ATOSA: variants seen among roughly 807,000 people sequenced by gnomAD.
The protein encoded by ATOSA is atos homolog protein A.
At chr15:52,586,166 C>T in the ATOSA span, 1 of 152,230 alleles carries the variant, frequency 6.6e-6, no homozygotes, top group Non-Finnish European at 1.5e-5. Flanking sequence ...AACACTGTCA[C>T]TCCTTTACTT....
At chr15:52,599,267 C>G in the ATOSA span, among the ~76,000 whole-genome samples, 1 of 152,100 alleles carries the variant, frequency 6.6e-6, no homozygotes, top group Non-Finnish European at 1.5e-5. Flanking sequence ...GCCACCCGAC[C>G]CTAACAATGG....
At chr15:52,642,612 A>G in the ATOSA span, among the ~76,000 whole-genome samples, 2 of 152,178 alleles carry the variant, frequency 1.3e-5, no homozygotes, top group African/African-American at 4.8e-5. Flanking sequence ...TTCCAACTGT[A>G]GCTGTTTTGC....
chr15:52,625,545 T>TA, the ATOSA span, among the ~76,000 whole-genome samples: 1 of 152,118 alleles, frequency 6.6e-6, no homozygotes, highest in Non-Finnish European at 1.5e-5. Context: ...CAACTATAAG[T>TA]AAAAAATCTA....
At chr15:52,594,011 C>G in the ATOSA span, among the ~76,000 whole-genome samples, 1 of 152,200 alleles carries the variant, frequency 6.6e-6, no homozygotes, top group African/African-American at 2.4e-5. Flanking sequence ...ACTGAACTCT[C>G]CTGCAACTTC....
chr15:52,601,920 T>C, the ATOSA span, among the ~76,000 whole-genome samples: 313 of 152,344 alleles, frequency 2.1e-3, 4 homozygotes, highest in Non-Finnish European at 2.2e-3. Context: ...AAGTGTACCA[T>C]GTTATTTACT....
the ATOSA span, among the ~76,000 whole-genome samples, chr15:52,683,243 A>C: frequency 1.0e-3 from 155 of 152,312 alleles, no homozygotes; most frequent in Admixed American, 1.6e-3. Context: ...GGTGATAACT[A>C]TTTCTCAGAT....
chr15:52,674,376 G>A, the ATOSA span, among the ~76,000 whole-genome samples: 1 of 152,050 alleles, frequency 6.6e-6, no homozygotes, highest in South Asian at 2.1e-4. Context: ...GACTTCTCTT[G>A]AAACACCAGG....
At chr15:52,605,231 G>T in the ATOSA span, 3 of 1,603,980 alleles carry the variant, frequency 1.9e-6, no homozygotes, top group Non-Finnish European at 2.5e-6. Flanking sequence ...ACATTTGAAT[G>T]TTTCAGTGTA....
chr15:52,613,539 G>A, the ATOSA span: 1 of 1,067,872 alleles, frequency 9.4e-7, no homozygotes, highest in South Asian at 1.7e-5. Flanking sequence ...TCCAGGATTT[G>A]GATTTTTTCC....
the ATOSA span, among the ~76,000 whole-genome samples, chr15:52,596,364 G>A: frequency 6.6e-6 from 1 of 152,262 alleles, no homozygotes; most frequent in Admixed American, 6.5e-5. Context: ...AATAGTTTAA[G>A]CAATTCTGAG....
chr15:52,681,191 C>A, the ATOSA span, among the ~76,000 whole-genome samples: 1 of 152,122 alleles, frequency 6.6e-6, no homozygotes, highest in African/African-American at 2.4e-5. Context: ...AATTTAGAAT[C>A]TTAAACCTGT....
chr15:52,583,581 TC>T, the ATOSA span, among the ~76,000 whole-genome samples: 1 of 152,198 alleles, frequency 6.6e-6, no homozygotes, highest in Admixed American at 6.5e-5. Context: ...AGATGGGGTT[TC>T]ACCATGTTGG....
chr15:52,665,631 C>G, the ATOSA span, among the ~76,000 whole-genome samples: 1 of 151,716 alleles, frequency 6.6e-6, no homozygotes, highest in African/African-American at 2.4e-5. Flanking sequence ...AGTAATTCTA[C>G]TTTTAGAACT....
the ATOSA span, among the ~76,000 whole-genome samples, chr15:52,623,752 A>G: frequency 1.1e-4 from 17 of 152,334 alleles, no homozygotes; most frequent in African/African-American, 4.1e-4. Flanking sequence ...AGATAAGACA[A>G]ATGTGACATA....
At chr15:52,653,614 A>G in the ATOSA span, among the ~76,000 whole-genome samples, 3 of 152,158 alleles carry the variant, frequency 2.0e-5, no homozygotes, top group Admixed American at 2.0e-4. Context: ...GCCATTTACT[A>G]ACAGCGAGAC....
At chr15:52,596,705 A>G in the ATOSA span, among the ~76,000 whole-genome samples, 1 of 152,218 alleles carries the variant, frequency 6.6e-6, no homozygotes, top group Non-Finnish European at 1.5e-5. Flanking sequence ...CACAATGCAC[A>G]AACAGCCCTT....
At chr15:52,609,702 G>C in the ATOSA span, 1 of 1,613,682 alleles carries the variant, frequency 6.2e-7, no homozygotes, top group Non-Finnish European at 8.5e-7. Flanking sequence ...GTTTTGAATG[G>C]AGTGAACTAG....
the ATOSA span, among the ~76,000 whole-genome samples, chr15:52,704,813 C>T: frequency 6.6e-6 from 1 of 152,334 alleles, no homozygotes; most frequent in South Asian, 2.1e-4. Context: ...GATGCCATCT[C>T]ACGCCAGTTA....
chr15:52,591,869 C>T, the ATOSA span, among the ~76,000 whole-genome samples: 8 of 152,014 alleles, frequency 5.3e-5, no homozygotes, highest in African/African-American at 1.7e-4. Context: ...CCTCTTCTTT[C>T]GATAATAACC....
Sources: allele counts gnomAD v4.1 joint callset (sites outside exome capture counted in the v4.1 genomes callset), GRCh38; gene constraint gnomAD v4.1.1; transcripts MANE v1.5; gene names NCBI Gene and HGNC (gene_info 2026-07-23, HGNC 2026-07-21).